Variants in ATP8A1 observed in about 807,000 individuals in gnomAD.
The protein encoded by ATP8A1 is phospholipid-transporting ATPase IA.
Under a neutral mutation model 177.7 loss-of-function variants are expected in ATP8A1, and 90 were observed. The observed-to-expected ratio is 0.51, with a 90% confidence interval of 0.43 to 0.60. The LOEUF (loss-of-function observed/expected upper bound fraction) is 0.60, where lower values mean the gene tolerates loss of function less well. ATP8A1 is among the 20% of genes least tolerant of loss of function. The pLI is 0.00. For missense variants in ATP8A1, 1,072 were observed against 1,392.8 expected (o/e 0.77, Z 3.67); for synonymous variants, 493 against 485.9 (o/e 1.01, Z -0.19).
Position 42,656,826 on chromosome 4 carries a change from T to G in ATP8A1, c.48A>C (p.Glu16Asp). ...CCCCGAGCCTCGGCGGCCCCTTACC[T>G]TCGGCGCGCGAGCGGATCTCCGACA... Reference protein sequence around the residue: ...RTVSEIRSRAEGYEKTDDVSE... With the variant: ...RTVSEIRSRADGYEKTDDVSE... The change falls in exon 1 of 37, where the codon GAA becomes GAC. Residue 16 changes from glutamate (E) to aspartate (D), a missense_variant and splice_region_variant. By Grantham distance (45) the Glu-to-Asp change is conservative. Transcript: ENST00000381668. 6.3e-7 allele frequency: 1 copy of G among 1,575,622 alleles called. No homozygotes were observed. The highest frequency in any genetic ancestry group is 1.4e-5 in the African/African-American group (1 of 73,244).
At chr4:42,457,413 C>T (rs1718601700) in intron 27 of ATP8A1, among the ~76,000 whole-genome samples, 1 of 152,140 alleles carries the variant, frequency 6.6e-6, no homozygotes, top group South Asian at 2.1e-4. Context: ...GTAATTCATT[C>T]TAAAAAGCTC....
chr4:42,409,173 T>G lies in ATP8A1; in HGVS notation c.*3743A>C, dbSNP rs572430607. ...ACATCAAGATTTACAGCAATAGCCA[T>G]GCATTGGCCTGGATCACTTTAAATA... On this transcript the variant is annotated 3_prime_UTR_variant, in exon 37 of 37. Coordinates refer to ENST00000381668, the MANE Select transcript of ATP8A1 (RefSeq NM_006095.2). 6.6e-6 allele frequency: 1 copy of G among 152,206 alleles called. No homozygotes were observed. The highest frequency in any genetic ancestry group is 2.1e-4 in the South Asian group (1 of 4,832). 9.4% of individuals were successfully genotyped at this position (152,206 alleles called of 1,614,324 possible). A position where few individuals can be genotyped will look rare whatever the true frequency, so the allele number is the denominator to read the frequency against.
In ATP8A1 at chr4:42,408,776, A is replaced by G. The variant is rs1712260650; in HGVS notation, c.*4140T>C. ...TAAAAAATGACGATTAAAGTAGTTAAACAACAGATAGTATTTACTGCATTT... is the reference window on the plus strand; with the variant it reads ...TAAAAAATGACGATTAAAGTAGTTAGACAACAGATAGTATTTACTGCATTT... On this transcript the variant is annotated 3_prime_UTR_variant, in exon 37 of 37. Transcript: ENST00000381668. The G allele has an allele frequency of 6.6e-6, 1 of 152,224 alleles. No homozygotes were observed. 9.4% of individuals were successfully genotyped at this position (152,224 alleles called of 1,614,324 possible).
Position 42,555,958 on chromosome 4 carries a change from T to G in ATP8A1, c.1413+10A>C, listed in dbSNP as rs1222175571. ...CACTAACAAAAAGACAATGGTTTTA[T>G]GTAACTTACATGATTATTTTGGAGA... On this transcript the variant is annotated intron_variant, in intron 16 of 36. Coordinates refer to ENST00000381668, the MANE Select transcript of ATP8A1 (RefSeq NM_006095.2). 2.5e-6 allele frequency: 4 copies of G among 1,580,796 alleles called. No individual in the cohort carries two copies. Among genetic ancestry groups the G allele is most frequent in the Non-Finnish European group, 3.5e-6 (4 of 1,152,680 alleles).
intron 24 of ATP8A1, among the ~76,000 whole-genome samples, chr4:42,490,311 G>C (rs748748984): frequency 1.3e-5 from 2 of 152,122 alleles, no homozygotes; most frequent in East Asian, 1.9e-4. Context: ...GTTCTGTCTC[G>C]TTAACACAGA....
intron 16 of ATP8A1, among the ~76,000 whole-genome samples, 153 bp from the exon 17 acceptor site, chr4:42,552,763 G>A (rs1381330914): frequency 6.6e-6 from 1 of 152,174 alleles, no homozygotes; most frequent in African/African-American, 2.4e-5. Flanking sequence ...CGAGGCGGGT[G>A]GATCGCCTAA....
At chr4:42,414,492 A>T in intron 36 of ATP8A1, 135 bp downstream of exon 36, 1 of 681,604 alleles carries the variant, frequency 1.5e-6, no homozygotes, top group Non-Finnish European at 2.5e-6. Context: ...TCTGTTATTT[A>T]CAGGTTACAA....
At chr4:42,605,276 T>G (rs999786036) in intron 5 of ATP8A1, among the ~76,000 whole-genome samples, 1 of 152,174 alleles carries the variant, frequency 6.6e-6, no homozygotes, top group Non-Finnish European at 1.5e-5. Context: ...CTAAACCAAT[T>G]TTCAGTGCAA....
At chr4:42,577,698 AG>A (rs1472095110) in intron 12 of ATP8A1, among the ~76,000 whole-genome samples, 4 of 152,290 alleles carry the variant, frequency 2.6e-5, no homozygotes, top group African/African-American at 9.6e-5. Context: ...AATATTCAAG[AG>A]AAAAATTATG....
intron 1 of ATP8A1, among the ~76,000 whole-genome samples, chr4:42,652,187 T>G (rs1167891524): frequency 1.3e-5 from 2 of 152,204 alleles, no homozygotes; most frequent in Admixed American, 6.5e-5. Flanking sequence ...TTATTAGTCC[T>G]CCTTCCCAAT....
chr4:42,467,073 A>G (rs148778127), intron 25 of ATP8A1, among the ~76,000 whole-genome samples: 23 of 152,352 alleles, frequency 1.5e-4, no homozygotes, highest in Non-Finnish European at 2.5e-4. Context: ...TAAACTTGTA[A>G]TAAAGGAGAA....
intron 5 of ATP8A1, among the ~76,000 whole-genome samples, chr4:42,611,822 A>C (rs1345975630): frequency 2.0e-5 from 3 of 152,254 alleles, no homozygotes; most frequent in African/African-American, 7.2e-5. Context: ...TAATTTATAA[A>C]TTTCTGCAAA....
At chr4:42,437,412 G>A (rs961342886) in intron 33 of ATP8A1, among the ~76,000 whole-genome samples, 1 of 152,050 alleles carries the variant, frequency 6.6e-6, no homozygotes, top group African/African-American at 2.4e-5. Context: ...TTGTACTGGT[G>A]TGAAAAAATA....
At chr4:42,577,502 A>G (rs1732594370) in intron 12 of ATP8A1, among the ~76,000 whole-genome samples, 1 of 152,190 alleles carries the variant, frequency 6.6e-6, no homozygotes, top group Non-Finnish European at 1.5e-5. Context: ...ACAATGATTG[A>G]AAAAGAAAGA....
chr4:42,470,503 T>C (rs1398060774), intron 25 of ATP8A1, among the ~76,000 whole-genome samples: 1 of 152,190 alleles, frequency 6.6e-6, no homozygotes, highest in South Asian at 2.1e-4. Flanking sequence ...AAGGATAATT[T>C]AAGGAATTTT....
intron 22 of ATP8A1, among the ~76,000 whole-genome samples, chr4:42,514,151 G>A (rs1028958098): frequency 1.3e-5 from 2 of 152,176 alleles, no homozygotes; most frequent in African/African-American, 2.4e-5. Flanking sequence ...ATTTTTCTAA[G>A]GCCAAGAAAT....
At chr4:42,626,680 C>T (rs1439001120) in intron 2 of ATP8A1, 1 of 290,146 alleles carries the variant, frequency 3.4e-6, no homozygotes, top group Non-Finnish European at 6.5e-6. Context: ...AACTTGCTAA[C>T]CAAAACCAGT....
chr4:42,455,508 A>C lies in ATP8A1; in HGVS notation c.2694+17T>G, dbSNP rs760741545. On this transcript the variant is annotated intron_variant, in intron 28 of 36. Coordinates refer to ENST00000381668, the MANE Select transcript of ATP8A1 (RefSeq NM_006095.2). ...AGTATTCAATGAAACAGGAATTATC[A>C]AATGTCCTAAACTTACCACGTTATA... 2 of 1,613,498 alleles carry C rather than the reference A, an allele frequency of 1.2e-6. No homozygotes were observed. The highest frequency in any genetic ancestry group is 1.3e-5 in the African/African-American group (1 of 74,894).
At chr4:42,506,913 C>T (rs997846619) in intron 23 of ATP8A1, 103 bp downstream of exon 23, 2 of 1,332,720 alleles carry the variant, frequency 1.5e-6, no homozygotes, top group Non-Finnish European at 2.1e-6. Context: ...CCAATCTTGA[C>T]ATATCAAATC....
Sources: gnomAD v4.1 joint callset for allele counts (sites outside exome capture counted in the v4.1 genomes callset) on GRCh38, gnomAD v4.1.1 for gene constraint, MANE v1.5 for transcripts, NCBI Gene and HGNC (gene_info 2026-07-23, HGNC 2026-07-21) for gene names.